Variants in TENM2 observed in about 807,000 individuals in gnomAD.
The protein encoded by TENM2 is teneurin transmembrane protein 2.
Under a neutral mutation model 245.2 loss-of-function variants are expected in TENM2, and 52 were observed. The ratio of observed to expected loss-of-function variants is 0.21; its 90% CI spans 0.17 to 0.27. The LOEUF is 0.27. Among genes scored for constraint, TENM2 ranks in the 10% least tolerant of loss-of-function variants. TENM2 has a pLI of 1.00. For missense variants in TENM2, 3,046 were observed against 3,666.8 expected (o/e 0.83, Z 4.37); for synonymous variants, 1,363 against 1,438.9 (o/e 0.95, Z 1.19).
intron 2 of TENM2, among the ~76,000 whole-genome samples, chr5:167,544,956 C>T (rs950720551): frequency 5.3e-5 from 8 of 152,094 alleles, no homozygotes; most frequent in Admixed American, 1.3e-4. Context: ...AATATAGCAG[C>T]GTCCAAATAC....
intron 3 of TENM2, among the ~76,000 whole-genome samples, chr5:167,913,731 G>A (rs1344686633): frequency 3.3e-5 from 5 of 152,162 alleles, no homozygotes; most frequent in Non-Finnish European, 7.3e-5. Flanking sequence ...CCATCCCCAG[G>A]AAGTCTATTT....
At chr5:168,148,609 A>T (rs1756327608) in intron 12 of TENM2, among the ~76,000 whole-genome samples, 1 of 152,216 alleles carries the variant, frequency 6.6e-6, no homozygotes, top group African/African-American at 2.4e-5. Flanking sequence ...GGTAAGTGAT[A>T]GATGGCTTTA....
At chr5:167,592,008 C>T (rs1251384343) in intron 2 of TENM2, among the ~76,000 whole-genome samples, 2 of 152,172 alleles carry the variant, frequency 1.3e-5, no homozygotes, top group African/African-American at 2.4e-5. Context: ...AGTGATACAG[C>T]ATTTGCCAGG....
At chr5:167,644,359 A>G (rs570090668) in intron 2 of TENM2, among the ~76,000 whole-genome samples, 5 of 152,206 alleles carry the variant, frequency 3.3e-5, no homozygotes, top group South Asian at 2.1e-4. Context: ...TCTTTTCCCA[A>G]TTTCTCTTCT....
intron 1 of TENM2, 87 bp downstream of exon 3, chr5:167,285,150 A>C: frequency 9.2e-7 from 1 of 1,081,742 alleles, no homozygotes; most frequent in East Asian, 2.6e-5. Context: ...GAGATCCAGC[A>C]TGGTGGTTTT....
At chr5:167,185,607 C>T in the TENM2 span, among the ~76,000 whole-genome samples, 1 of 152,034 alleles carries the variant, frequency 6.6e-6, no homozygotes, top group African/African-American at 2.4e-5. Context: ...CAAGTTCTTC[C>T]ATGAGATTCT....
chr5:166,996,378 C>G, the TENM2 span, among the ~76,000 whole-genome samples: 7 of 152,058 alleles, frequency 4.6e-5, no homozygotes. Context: ...CAACAAAAAT[C>G]AAACAAACGA....
intron 2 of TENM2, among the ~76,000 whole-genome samples, chr5:167,721,943 T>C (rs911539652): frequency 6.6e-6 from 1 of 152,224 alleles, no homozygotes; most frequent in South Asian, 2.1e-4. Context: ...TTCTTTAGCT[T>C]TGAAGTGAAA....
chr5:168,230,083 C>A (rs1281653443), intron 25 of TENM2, among the ~76,000 whole-genome samples: 1 of 152,178 alleles, frequency 6.6e-6, no homozygotes, highest in Non-Finnish European at 1.5e-5. Flanking sequence ...AATATTAAAA[C>A]TCTTTCTTTA....
intron 2 of TENM2, among the ~76,000 whole-genome samples, chr5:167,823,165 CT>C (rs138015003): frequency 6.6e-6 from 1 of 151,906 alleles, no homozygotes. Context: ...GGAAATTTCC[CT>C]TTTTTTTGTA....
chr5:167,259,904 C>T, the TENM2 span, among the ~76,000 whole-genome samples: 4 of 152,158 alleles, frequency 2.6e-5, no homozygotes, highest in South Asian at 2.1e-4. Context: ...TTTGGAAGCA[C>T]GGAAGAAGAA....
chr5:167,828,933 C>A (rs540064719), intron 2 of TENM2, among the ~76,000 whole-genome samples: 1 of 152,252 alleles, frequency 6.6e-6, no homozygotes, highest in East Asian at 1.9e-4. Context: ...GGTTCTCTGG[C>A]TCTTGGTTTC....
chr5:167,329,476 C>G (rs1194479081), intron 1 of TENM2, among the ~76,000 whole-genome samples: 1 of 135,460 alleles, frequency 7.4e-6, no homozygotes, highest in Non-Finnish European at 1.5e-5. Context: ...GGTATGAACC[C>G]AGGAGGTGGA....
At chr5:168,076,258 A>C (rs562207717) in intron 7 of TENM2, among the ~76,000 whole-genome samples, 1 of 149,462 alleles carries the variant, frequency 6.7e-6, no homozygotes, top group South Asian at 2.1e-4. Context: ...CAGAGTCTCA[A>C]TCTGTCACCC....
At chr5:168,252,609 C>T (rs1767216760) in intron 27 of TENM2, among the ~76,000 whole-genome samples, 1 of 151,386 alleles carries the variant, frequency 6.6e-6, no homozygotes, top group Non-Finnish European at 1.5e-5. Context: ...TTTGGGAGGC[C>T]GAGGCGGGTG....
At chr5:167,465,070 G>C (rs1766560050) in intron 2 of TENM2, among the ~76,000 whole-genome samples, 1 of 152,142 alleles carries the variant, frequency 6.6e-6, no homozygotes, top group African/African-American at 2.4e-5. Flanking sequence ...TCTCTAGTTT[G>C]GATATTCACA....
the TENM2 span, among the ~76,000 whole-genome samples, chr5:166,980,665 A>T: frequency 1.3e-5 from 2 of 152,186 alleles, no homozygotes; most frequent in African/African-American, 2.4e-5. Context: ...GAAAGGAATC[A>T]GTGTATAGTT....
chr5:168,261,132 T>C (rs961783251), intron 28 of TENM2, among the ~76,000 whole-genome samples: 8 of 152,184 alleles, frequency 5.3e-5, no homozygotes, highest in Non-Finnish European at 8.8e-5. Context: ...GACCACTCAG[T>C]GGATGAATAG....
Position 168,218,674 on chromosome 5 carries a change from G to A in TENM2, c.4783G>A (p.Val1595Ile). ...ATCCCCCGGAGAGCAGGAGTTATAT[G>A]TTTTCAACGCTGATGGCATCCACCA... Residue 1595 changes from valine to isoleucine, a missense_variant, in exon 23 of 29, where the codon GTT (valine) becomes ATT (isoleucine). Physicochemically the swap from Val to Ile is conservative, Grantham distance 29. Transcript: ENST00000518659. This position sits in a 1 kb window ranked among gnomAD's most constrained non-coding sequence, Gnocchi z 5.2. 2 of 1,614,048 alleles carry A rather than the reference G, an allele frequency of 1.2e-6. No individual in the cohort carries two copies. Among genetic ancestry groups the A allele is most frequent in the Middle Eastern group, 1.6e-4 (1 of 6,062 alleles).
Sources: gnomAD v4.1 joint callset for allele counts (sites outside exome capture counted in the v4.1 genomes callset) on GRCh38, gnomAD v4.1.1 for gene constraint, Gnocchi (gnomAD v3.1) non-coding constraint, MANE v1.5 for transcripts, NCBI Gene and HGNC (gene_info 2026-07-23, HGNC 2026-07-21) for gene names.